The following TSHZ2 variants were observed in gnomAD, a reference collection of about 807,000 sequenced individuals.
The protein encoded by TSHZ2 is teashirt homolog 2.
Under a neutral mutation model 74.4 loss-of-function variants are expected in TSHZ2, and 21 were observed. The ratio of observed to expected loss-of-function variants is 0.28; its 90% CI spans 0.20 to 0.41. The LOEUF is 0.41. Ranked by LOEUF, TSHZ2 falls within the 10% of genes least tolerant of loss-of-function variation. TSHZ2 has a pLI of 1.00. For synonymous variants in TSHZ2, 540 were observed against 515.3 expected (o/e 1.05, Z -0.65); for missense variants, 1,244 against 1,293.5 (o/e 0.96, Z 0.59).
chr20:53,201,013 TTAA>T (rs1600737557), intron 1 of TSHZ2, among the ~76,000 whole-genome samples: 1 of 141,566 alleles, frequency 7.1e-6, no homozygotes, highest in East Asian at 3.1e-4. Context: ...AAATTTTCCA[TTAA>T]TTTTTTTTTT....
intron 2 of TSHZ2, among the ~76,000 whole-genome samples, chr20:53,374,037 G>T (rs1266509128): frequency 6.6e-6 from 1 of 152,190 alleles, no homozygotes; most frequent in East Asian, 1.9e-4. Context: ...TTGTTGGTTT[G>T]TTATATAGGT....
At chr20:53,047,686 A>G (rs974877464) in intron 1 of TSHZ2, among the ~76,000 whole-genome samples, 1 of 152,180 alleles carries the variant, frequency 6.6e-6, no homozygotes, top group Non-Finnish European at 1.5e-5. Flanking sequence ...GAAAAACACT[A>G]TGACAACCAA....
At chr20:53,385,275 T>TC (rs1205970681) in intron 2 of TSHZ2, among the ~76,000 whole-genome samples, 2 of 152,168 alleles carry the variant, frequency 1.3e-5, no homozygotes, top group Non-Finnish European at 2.9e-5. Context: ...GATTTTTTTT[T>TC]CTCTTTGGAA....
intron 2 of TSHZ2, among the ~76,000 whole-genome samples, chr20:53,481,841 C>T (rs149528723): frequency 1.2e-4 from 18 of 152,044 alleles, no homozygotes; most frequent in African/African-American, 2.4e-4. Context: ...CAGTGGCTTA[C>T]GCCTGTACTC....
intron 2 of TSHZ2, among the ~76,000 whole-genome samples, chr20:53,327,979 T>A (rs2145540754): frequency 6.6e-6 from 1 of 152,294 alleles, no homozygotes; most frequent in East Asian, 1.9e-4. Context: ...GACTTGTGAA[T>A]TTGGAAGCAA....
At chr20:53,332,105 G>A (rs558900103) in intron 2 of TSHZ2, among the ~76,000 whole-genome samples, 35 of 152,224 alleles carry the variant, frequency 2.3e-4, no homozygotes, top group Admixed American at 7.2e-4. Context: ...GAACTGGAGC[G>A]CACCCCACTG....
At chr20:53,223,761 A>G (rs760117384) in intron 1 of TSHZ2, among the ~76,000 whole-genome samples, 23 of 152,064 alleles carry the variant, frequency 1.5e-4, no homozygotes, top group Non-Finnish European at 2.9e-4. Flanking sequence ...ATTGTTACCT[A>G]AGGGAAAGAA....
chr20:53,240,953 T>C (rs528822049), intron 1 of TSHZ2, among the ~76,000 whole-genome samples: 7 of 152,284 alleles, frequency 4.6e-5, no homozygotes, highest in Admixed American at 4.6e-4. Context: ...TTTATTGGTG[T>C]TCACCACTGG....
chr20:53,212,308 T>C (rs1989330473), intron 1 of TSHZ2, among the ~76,000 whole-genome samples: 1 of 152,210 alleles, frequency 6.6e-6, no homozygotes, highest in African/African-American at 2.4e-5. Context: ...AAAGAACAGT[T>C]TGGAGAAACC....
intron 1 of TSHZ2, among the ~76,000 whole-genome samples, chr20:53,139,632 CAGAT>C (rs1312069494): frequency 2.0e-5 from 3 of 152,186 alleles, no homozygotes; most frequent in Admixed American, 6.5e-5. Context: ...TCTTTCGTGT[CAGAT>C]AGAGGGCTAG....
intron 1 of TSHZ2, among the ~76,000 whole-genome samples, chr20:52,990,998 GT>G (rs1981963798): frequency 6.6e-6 from 1 of 152,160 alleles, no homozygotes; most frequent in African/African-American, 2.4e-5. Flanking sequence ...CTTTTATTGT[GT>G]GCGTGAGTTG....
At chr20:53,405,769 G>C in intron 2 of TSHZ2, among the ~76,000 whole-genome samples, 1 of 152,190 alleles carries the variant, frequency 6.6e-6, no homozygotes, top group Non-Finnish European at 1.5e-5. Context: ...GCCAAGGTGG[G>C]TGGATTGCTT....
At chr20:52,992,370 A>G (rs1299703414) in intron 1 of TSHZ2, among the ~76,000 whole-genome samples, 1 of 152,218 alleles carries the variant, frequency 6.6e-6, no homozygotes, top group Non-Finnish European at 1.5e-5. Context: ...AGTAAATGTC[A>G]TATAGATAAA....
At chr20:53,478,194 T>C (rs543131115) in intron 2 of TSHZ2, among the ~76,000 whole-genome samples, 1,072 of 109,146 alleles carry the variant, frequency 9.8e-3, no homozygotes, top group African/African-American at 0.012. Flanking sequence ...ATCATGCTGC[T>C]ATAAAGACAC....
At chr20:53,210,615 T>C (rs1228018152) in intron 1 of TSHZ2, among the ~76,000 whole-genome samples, 1 of 151,818 alleles carries the variant, frequency 6.6e-6, no homozygotes, top group Admixed American at 6.6e-5. Context: ...GGGTTTGGGG[T>C]TTATACGACT....
chr20:52,978,018 A>G (rs888565399), intron 1 of TSHZ2, among the ~76,000 whole-genome samples: 1 of 152,224 alleles, frequency 6.6e-6, no homozygotes. Flanking sequence ...TTAACACCCA[A>G]GAAATACCTC....
chr20:53,230,639 T>C (rs890224526), intron 1 of TSHZ2, among the ~76,000 whole-genome samples: 1 of 152,300 alleles, frequency 6.6e-6, no homozygotes, highest in Non-Finnish European at 1.5e-5. Flanking sequence ...ACGCCTGTAA[T>C]CCCAGCACTT....
chr20:53,058,137 G>A (rs1240287495), intron 1 of TSHZ2, among the ~76,000 whole-genome samples: 3 of 152,138 alleles, frequency 2.0e-5, no homozygotes, highest in African/African-American at 7.2e-5. Context: ...AGAATCCAAT[G>A]TCACTGCAGA....
At chr20:53,175,359 C>G (rs571757434) in intron 1 of TSHZ2, among the ~76,000 whole-genome samples, 95 of 151,772 alleles carry the variant, frequency 6.3e-4, no homozygotes, top group African/African-American at 2.3e-3. Context: ...CCAGGCTGGT[C>G]TCTAACTCCT....
Sources: gnomAD v4.1 joint callset for allele counts (sites outside exome capture counted in the v4.1 genomes callset) on GRCh38, gnomAD v4.1.1 for gene constraint, MANE v1.5 for transcripts, NCBI Gene and HGNC (gene_info 2026-07-23, HGNC 2026-07-21) for gene names.